Variants in RBM26 observed in about 807,000 individuals in gnomAD.
RBM26 encodes the protein RNA binding motif protein 26.
RBM26 carries 30 observed loss-of-function variants against 123.6 expected under a neutral mutation model. The observed-to-expected ratio is 0.24, with a 90% confidence interval of 0.18 to 0.33. The LOEUF (loss-of-function observed/expected upper bound fraction) is 0.33, where lower values mean the gene tolerates loss of function less well. RBM26 is among the 10% of genes least tolerant of loss of function. The probability of loss-of-function intolerance (pLI) is 1.00; values close to 1 mark genes in which losing one functional copy is unlikely to be tolerated. For missense variants in RBM26, 947 were observed against 1,203.6 expected, an observed-to-expected ratio of 0.79 and a Z score of 3.15; for synonymous variants, 400 against 404.4, an observed-to-expected ratio of 0.99 and a Z score of 0.13.
chr13:79,341,767 A>G (rs2071411025), intron 17 of RBM26, among the ~76,000 whole-genome samples: 1 of 151,812 alleles, frequency 6.6e-6, no homozygotes, highest in Admixed American at 6.6e-5. Context: ...TCACTTGTTC[A>G]AAGAATAAAA....
rs2067449090 is a variant in RBM26, at chr13:79,319,473, A to T, written c.*1148T>A. The T allele has an allele frequency of 1.0e-6, 1 of 984,134 alleles. No individual in the cohort carries two copies. Among genetic ancestry groups the T allele is most frequent in the South Asian group, 4.7e-5 (1 of 21,282 alleles). 61.0% of individuals were successfully genotyped at this position (984,134 alleles called of 1,614,324 possible). Reference sequence around the variant, plus strand: ...AAAAAATCACAGTATTGTTGCAAACATCAAAGATTTTTATACAAGTATAGG... The same window carrying T: ...AAAAAATCACAGTATTGTTGCAAACTTCAAAGATTTTTATACAAGTATAGG... On this transcript the variant is annotated 3_prime_UTR_variant, in exon 22 of 22. Transcript: ENST00000438737.
intron 20 of RBM26, among the ~76,000 whole-genome samples, chr13:79,331,849 T>G (rs2069479469): frequency 6.6e-6 from 1 of 152,140 alleles, no homozygotes; most frequent in Admixed American, 6.5e-5. Context: ...TTATCCAACT[T>G]TAGTACTTTG....
rs1356383709 is a variant in RBM26 at position 79,371,933 on chromosome 13, G to C, written c.328-3C>G. On this transcript the variant is annotated splice_region_variant and splice_polypyrimidine_tract_variant and intron_variant, in intron 3 of 21. Transcript: ENST00000438737. The stretch of plus-strand genomic sequence containing the variant: ...TCTCGCTCTTCCTCCTTAGTGATCT[G>C]ATTAAAAAAAAAAAAAAAAGTGTAC... The C allele has an allele frequency of 6.8e-7, 1 of 1,463,192 alleles. No homozygotes were observed. The highest frequency in any genetic ancestry group is 9.3e-7 in the Non-Finnish European group (1 of 1,075,086). The allele number at this position is 1,463,192 out of a possible 1,614,324, so 90.6% of individuals were successfully genotyped here.
chr13:79,356,008 G>C (rs1441565017), intron 11 of RBM26, among the ~76,000 whole-genome samples: 1 of 152,092 alleles, frequency 6.6e-6, no homozygotes, highest in African/African-American at 2.4e-5. Context: ...TTCAATAATA[G>C]AGTTTTCCAA....
chr13:79,364,505 G>A (rs2075050158), intron 9 of RBM26, among the ~76,000 whole-genome samples: 1 of 152,152 alleles, frequency 6.6e-6, no homozygotes, highest in Admixed American at 6.5e-5. Context: ...CTTAATTGAG[G>A]TGGTTAGGGA....
In RBM26 at chr13:79,366,944, A is replaced by T. The variant is rs975191899; in HGVS notation, c.896-72T>A. The stretch of plus-strand genomic sequence containing the variant: ...TATATATTTTCTCTAAGTTAGCAAA[A>T]GTAAAATATTTAAAAATATGAATAT... On this transcript the variant is annotated intron_variant, in intron 6 of 21. Transcript: ENST00000438737. The T allele has an allele frequency of 3.9e-6, 5 of 1,284,806 alleles. No individual in the cohort carries two copies. The Admixed American group carries it at 1.2e-4, about 32-fold the overall frequency. The allele number at this position is 1,284,806 out of a possible 1,614,324, so 79.6% of individuals were successfully genotyped here.
downstream of RBM26, among the ~76,000 whole-genome samples, chr13:79,316,488 T>C (rs764417536): frequency 2.0e-5 from 3 of 151,754 alleles, no homozygotes; most frequent in Non-Finnish European, 4.4e-5. Flanking sequence ...AAGACATTTC[T>C]TTCAATTAAA....
At chr13:79,390,644 G>T (rs1368627898) in intron 1 of RBM26, among the ~76,000 whole-genome samples, 1 of 152,068 alleles carries the variant, frequency 6.6e-6, no homozygotes, top group Admixed American at 6.6e-5. Context: ...CATGCTTTAG[G>T]GGTAAGTGCA....
chr13:79,398,053 T>C (rs1413206247), intron 1 of RBM26, among the ~76,000 whole-genome samples: 1 of 152,148 alleles, frequency 6.6e-6, no homozygotes, highest in East Asian at 1.9e-4. Context: ...AAAATAAACT[T>C]TTACCTATTT....
At chr13:79,351,157 CTA>C (rs1266762826) in intron 14 of RBM26, among the ~76,000 whole-genome samples, 4 of 152,076 alleles carry the variant, frequency 2.6e-5, no homozygotes, top group Admixed American at 2.0e-4. Context: ...TTTATAAAAG[CTA>C]TGAGTACACA....
At chr13:79,404,250 G>T (rs1049289892) in intron 1 of RBM26, among the ~76,000 whole-genome samples, 7 of 151,998 alleles carry the variant, frequency 4.6e-5, no homozygotes, top group African/African-American at 1.7e-4. Context: ...CTGTTGCTTG[G>T]GTTATCTAAG....
chr13:79,404,277 C>G (rs1293751987), intron 1 of RBM26, among the ~76,000 whole-genome samples: 2 of 152,144 alleles, frequency 1.3e-5, no homozygotes, highest in Admixed American at 1.3e-4. Context: ...CCCTTGATTT[C>G]CCTTTCCCTC....
chr13:79,336,441 T>A (rs1236453670), intron 19 of RBM26, among the ~76,000 whole-genome samples: 1 of 152,168 alleles, frequency 6.6e-6, no homozygotes, highest in Non-Finnish European at 1.5e-5. Flanking sequence ...GTAAAACTGA[T>A]GCTTAGTAAC....
intron 17 of RBM26, 151 bp from the exon 18 acceptor site, chr13:79,341,378 C>T (rs2071346693): frequency 2.1e-6 from 1 of 478,208 alleles, no homozygotes; most frequent in African/African-American, 2.0e-5. Flanking sequence ...ATACTCCACA[C>T]CTCCACAATA....
downstream of RBM26, among the ~76,000 whole-genome samples, chr13:79,318,513 C>T (rs540822686): frequency 6.6e-6 from 1 of 151,182 alleles, no homozygotes; most frequent in South Asian, 2.1e-4. Context: ...AATATTAATA[C>T]TATGAATAAT....
At chr13:79,353,044 A>G (rs2073476284) in intron 14 of RBM26, 109 bp downstream of exon 14, 1 of 546,186 alleles carries the variant, frequency 1.8e-6, no homozygotes, top group African/African-American at 1.9e-5. Context: ...AAAGATACAG[A>G]TACTATTAAG....
At chr13:79,373,550 A>G in intron 3 of RBM26, among the ~76,000 whole-genome samples, 1 of 106,870 alleles carries the variant, frequency 9.4e-6, no homozygotes, top group African/African-American at 3.8e-5. Flanking sequence ...ATATATTTAT[A>G]TATTACTATA....
chr13:79,358,881 AAAG>A (rs1381453201), intron 10 of RBM26, among the ~76,000 whole-genome samples: 1 of 152,226 alleles, frequency 6.6e-6, no homozygotes, highest in Non-Finnish European at 1.5e-5. Flanking sequence ...TTATTTAAAA[AAAG>A]AAAAAAAGAA....
intron 1 of RBM26, among the ~76,000 whole-genome samples, chr13:79,392,808 T>C (rs1256175408): frequency 1.9e-5 from 2 of 107,388 alleles, no homozygotes; most frequent in African/African-American, 7.3e-5. Flanking sequence ...AAAAAAAAAA[T>C]CTGTAAATGA....
Sources: gnomAD v4.1 joint callset for allele counts (sites outside exome capture counted in the v4.1 genomes callset) on GRCh38, gnomAD v4.1.1 for gene constraint, MANE v1.5 for transcripts, NCBI Gene and HGNC (gene_info 2026-07-23, HGNC 2026-07-21) for gene names.